Variants in ATP8A2 observed in about 807,000 individuals in gnomAD.
The protein encoded by ATP8A2 is phospholipid-transporting ATPase IB.
Under a neutral mutation model 165.6 loss-of-function variants are expected in ATP8A2, and 100 were observed. The ratio of observed to expected loss-of-function variants is 0.60; its 90% confidence interval spans 0.51 to 0.71. The LOEUF (loss-of-function observed/expected upper bound fraction) is 0.71, where lower values mean the gene tolerates loss of function less well. Ranked by LOEUF, ATP8A2 falls within the 30% of genes least tolerant of loss-of-function variation. ATP8A2 has a pLI of 0.00. For synonymous variants in ATP8A2, 543 were observed against 548.8 expected (o/e 0.99, Z 0.15); for missense variants, 1,227 against 1,479.5 (o/e 0.83, Z 2.80).
At chr13:25,633,760 G>C (rs1193269771) in intron 24 of ATP8A2, among the ~76,000 whole-genome samples, 1 of 152,050 alleles carries the variant, frequency 6.6e-6, no homozygotes, top group South Asian at 2.1e-4. Context: ...TGGATCACTC[G>C]AGCCCAGGAG....
intron 24 of ATP8A2, among the ~76,000 whole-genome samples, chr13:25,675,594 T>C (rs1489542913): frequency 1.3e-5 from 2 of 152,240 alleles, no homozygotes; most frequent in African/African-American, 4.8e-5. Flanking sequence ...TTTTGTTCTT[T>C]TAATAGAATG....
chr13:25,559,081 A>T lies in ATP8A2; in HGVS notation c.1352+20A>T. 2 of 1,519,364 alleles carry T rather than the reference A, an allele frequency of 1.3e-6. No homozygotes were observed. Among genetic ancestry groups the T allele is most frequent in the Non-Finnish European group, 1.8e-6 (2 of 1,109,276 alleles). 94.1% of individuals were successfully genotyped at this position (1,519,364 alleles called of 1,614,324 possible). On this transcript the variant is annotated intron_variant, in intron 14 of 36. Coordinates refer to ENST00000381655, the MANE Select transcript of ATP8A2 (RefSeq NM_016529.6). ...CTATGGGTCAGTGTGTTTATCATTT[A>T]CTGAAAATTTACTTGTATTCTTTCA...
At chr13:25,925,877 C>A (rs984480625) in intron 33 of ATP8A2, among the ~76,000 whole-genome samples, 9 of 151,856 alleles carry the variant, frequency 5.9e-5, no homozygotes, top group African/African-American at 2.2e-4. Flanking sequence ...ACAGGCGCGC[C>A]ACCATGCCTG....
Position 25,951,418 on chromosome 13 carries a change from T to A in ATP8A2, c.3184-10157T>A, listed in dbSNP as rs1257579984. Among the ~76,000 whole-genome samples the A allele has an allele frequency of 3.9e-5, 6 of 152,246 alleles. No homozygotes were observed. In the South Asian group the frequency reaches 1.2e-3, roughly 31 times the overall value. ...ACTGTACTCTGTCATTTCATTCATA[T>A]GAAGTTTGAGAACAGGCAAAACTTA... is the stretch of plus-strand genomic sequence containing the variant. On this transcript the variant is annotated intron_variant, in intron 33 of 36. Transcript: ENST00000381655.
At chr13:25,663,352 G>C (rs1455228866) in intron 24 of ATP8A2, among the ~76,000 whole-genome samples, 1 of 152,130 alleles carries the variant, frequency 6.6e-6, no homozygotes, top group Non-Finnish European at 1.5e-5. Context: ...AGTTTGAATT[G>C]AACTTTTTCT....
In ATP8A2 at chr13:25,882,732, G is replaced by A. The variant is rs567413480; in HGVS notation, c.3183+20324G>A. On this transcript the variant is annotated intron_variant, in intron 33 of 36. Coordinates refer to ENST00000381655, the MANE Select transcript of ATP8A2 (RefSeq NM_016529.6). ...GCTCTTGTTTGTACTGTCATTTTTA[G>A]AAGCTCATTGAATATTATGAATTCT... 6.6e-5 allele frequency among the ~76,000 whole-genome samples: 10 copies of A among 152,234 alleles called. No homozygotes were observed. The South Asian group carries it at 2.1e-3, about 32-fold the overall frequency.
chr13:25,721,043 A>T (rs2043370083), intron 25 of ATP8A2, among the ~76,000 whole-genome samples: 1 of 149,922 alleles, frequency 6.7e-6, no homozygotes, highest in Admixed American at 6.6e-5. Context: ...TGTACCTCGA[A>T]CTCCTAGGCT....
intron 27 of ATP8A2, among the ~76,000 whole-genome samples, chr13:25,818,713 G>A (rs1951088010): frequency 6.6e-6 from 1 of 152,138 alleles, no homozygotes; most frequent in Non-Finnish European, 1.5e-5. Context: ...TATTTAACAT[G>A]CTCTTTTAGT....
intron 24 of ATP8A2, among the ~76,000 whole-genome samples, chr13:25,643,069 G>T (rs868306597): frequency 1.3e-5 from 2 of 152,120 alleles, no homozygotes; most frequent in African/African-American, 4.8e-5. Context: ...GTTGTGGGAT[G>T]GGGGGAGGGG....
chr13:25,379,554 A>G (rs2032761592), intron 1 of ATP8A2, among the ~76,000 whole-genome samples: 1 of 152,234 alleles, frequency 6.6e-6, no homozygotes, highest in Admixed American at 6.5e-5. Flanking sequence ...TTTTAGTCAC[A>G]TAATGATTAT....
At chr13:25,507,413 G>A (rs371890505) in intron 2 of ATP8A2, among the ~76,000 whole-genome samples, 2 of 152,044 alleles carry the variant, frequency 1.3e-5, no homozygotes, top group Admixed American at 6.6e-5. Flanking sequence ...TTACAGGCAT[G>A]TGCCACCATG....
chr13:25,897,185 C>A (rs1593523360), intron 33 of ATP8A2, among the ~76,000 whole-genome samples: 1 of 152,164 alleles, frequency 6.6e-6, no homozygotes. Flanking sequence ...TTGTTCCTTT[C>A]TATGTTTAGT....
chr13:25,982,875 A>G (rs1353492116), intron 35 of ATP8A2, among the ~76,000 whole-genome samples: 1 of 152,102 alleles, frequency 6.6e-6, no homozygotes, highest in East Asian at 1.9e-4. Context: ...ATCCTCATCT[A>G]TGTGCCTCAG....
chr13:25,849,170 G>A (rs1304718364), intron 30 of ATP8A2, among the ~76,000 whole-genome samples: 1 of 152,188 alleles, frequency 6.6e-6, no homozygotes, highest in Non-Finnish European at 1.5e-5. Context: ...TTGGTGTTGA[G>A]GGAATGGTGC....
chr13:25,576,471 A>G (rs747132731), intron 19 of ATP8A2, among the ~76,000 whole-genome samples: 5 of 152,088 alleles, frequency 3.3e-5, no homozygotes, highest in Non-Finnish European at 7.4e-5. Flanking sequence ...GGAGAGCAGT[A>G]AGAAGAATTC....
chr13:25,708,802 T>A (rs186974521), intron 25 of ATP8A2, among the ~76,000 whole-genome samples: 10 of 152,238 alleles, frequency 6.6e-5, no homozygotes, highest in Admixed American at 5.2e-4. Context: ...TATACTTTTT[T>A]AATATTTAGT....
chr13:25,612,913 G>A (rs4281571), intron 24 of ATP8A2, among the ~76,000 whole-genome samples: 8,809 of 152,084 alleles, frequency 0.058, 555 homozygotes, highest in African/African-American at 0.14. Context: ...TTTACACTGC[G>A]ATTGCTTTAA....
intron 25 of ATP8A2, among the ~76,000 whole-genome samples, chr13:25,723,108 G>C (rs910723445): frequency 2.0e-5 from 3 of 152,216 alleles, no homozygotes; most frequent in Admixed American, 2.0e-4. Context: ...CTTCTTGCCA[G>C]ATTTCAAGTG....
At chr13:25,725,748 A>C (rs2043479832) in intron 25 of ATP8A2, among the ~76,000 whole-genome samples, 1 of 152,204 alleles carries the variant, frequency 6.6e-6, no homozygotes, top group African/African-American at 2.4e-5. Flanking sequence ...GCTCAGAGAG[A>C]GAAATCAGAG....
Sources: allele counts gnomAD v4.1 joint callset (sites outside exome capture counted in the v4.1 genomes callset), GRCh38; gene constraint gnomAD v4.1.1; transcripts MANE v1.5; gene names NCBI Gene and HGNC (gene_info 2026-07-23, HGNC 2026-07-21).